The following CSMD2 variants were observed in gnomAD, a reference collection of about 807,000 sequenced individuals.
The protein encoded by CSMD2 is CUB and sushi domain-containing protein 2.
A neutral mutation model predicts 398.5 loss-of-function variants in CSMD2; 130 were observed. The observed-to-expected ratio is 0.33, with a 90% confidence interval of 0.28 to 0.38. The LOEUF (loss-of-function observed/expected upper bound fraction) is 0.38, where lower values mean the gene tolerates loss of function less well. Among genes scored for constraint, CSMD2 ranks in the 10% least tolerant of loss-of-function variants. The pLI, the probability that CSMD2 is intolerant of heterozygous loss-of-function variation, is 1.00. For synonymous variants in CSMD2, 1,828 were observed against 1,908.5 expected (o/e 0.96, Z 1.10); for missense variants, 3,829 against 4,764.9 (o/e 0.80, Z 5.78).
chr1:33,664,820 T>C (rs1262465733), intron 25 of CSMD2, among the ~76,000 whole-genome samples: 1 of 151,492 alleles, frequency 6.6e-6, no homozygotes, highest in Non-Finnish European at 1.5e-5. Context: ...AATAAATAAA[T>C]AAATAAAAAG....
At chr1:33,930,715 C>T (rs1644286676) in intron 4 of CSMD2, among the ~76,000 whole-genome samples, 3 of 152,292 alleles carry the variant, frequency 2.0e-5, no homozygotes, top group Middle Eastern at 6.8e-3. Flanking sequence ...AGAGATGACA[C>T]AAAGCTCAGC....
intron 12 of CSMD2, among the ~76,000 whole-genome samples, chr1:33,775,012 T>C (rs1320975657): frequency 6.6e-6 from 1 of 152,234 alleles, no homozygotes; most frequent in African/African-American, 2.4e-5. Context: ...GGATTCGTGC[T>C]GTGGATGCAC....
At chr1:33,618,023 G>GAGAC (rs1641508943) in intron 37 of CSMD2, among the ~76,000 whole-genome samples, 1 of 151,990 alleles carries the variant, frequency 6.6e-6, no homozygotes, top group South Asian at 2.1e-4. Context: ...CTAAGACAGA[G>GAGAC]AGACAGAGAG....
intron 47 of CSMD2, 137 bp downstream of exon 47, chr1:33,583,505 G>T (rs376690936): frequency 1.2e-6 from 1 of 834,432 alleles, no homozygotes; most frequent in Non-Finnish European, 2.0e-6. Flanking sequence ...TGGCCTTGGG[G>T]TTGCTGTGGT....
At chr1:33,627,621 A>T (rs573431709) in intron 32 of CSMD2, among the ~76,000 whole-genome samples, 1 of 152,236 alleles carries the variant, frequency 6.6e-6, no homozygotes, top group Admixed American at 6.5e-5. Context: ...GATGCCACCA[A>T]TATGGGAGCA....
At chr1:34,146,456 G>A (rs1481341843) in intron 1 of CSMD2, among the ~76,000 whole-genome samples, 1 of 152,100 alleles carries the variant, frequency 6.6e-6, no homozygotes, top group Non-Finnish European at 1.5e-5. Context: ...CCATTCTAAA[G>A]AGTAAAGTCA....
intron 40 of CSMD2, among the ~76,000 whole-genome samples, chr1:33,612,199 G>T (rs1270656464): frequency 6.6e-6 from 1 of 152,180 alleles, no homozygotes; most frequent in African/African-American, 2.4e-5. Flanking sequence ...AGTGATTATC[G>T]CTGCACGATG....
chr1:33,985,598 G>A (rs1250077884), intron 3 of CSMD2, among the ~76,000 whole-genome samples: 1 of 152,216 alleles, frequency 6.6e-6, no homozygotes, highest in Non-Finnish European at 1.5e-5. Flanking sequence ...TGCTCACTGT[G>A]TGTCTCTAGG....
rs777416603 is a variant in CSMD2, at chr1:33,533,032, C to T, written c.10171+18G>A. 1.9e-6 allele frequency: 3 copies of T among 1,588,662 alleles called. No individual in the cohort carries two copies. Among genetic ancestry groups the T allele is most frequent in the Non-Finnish European group, 1.7e-6 (2 of 1,165,192 alleles). On this transcript the variant is annotated intron_variant, in intron 64 of 70. Transcript: ENST00000373381. The surrounding 1 kb of genome is among the most constrained non-coding windows in gnomAD (Gnocchi z 4.2). Reference sequence around the variant, plus strand: ...CAGCCTCCCGCCCTGGAGAGCTTCCCCGAGCAGGCACACTCACCCAGGCAG... The same window carrying T: ...CAGCCTCCCGCCCTGGAGAGCTTCCTCGAGCAGGCACACTCACCCAGGCAG...
At chr1:34,095,445 C>G (rs1659165723) in intron 1 of CSMD2, among the ~76,000 whole-genome samples, 1 of 150,498 alleles carries the variant, frequency 6.6e-6, no homozygotes, top group Non-Finnish European at 1.5e-5. Context: ...CACAAAAAAC[C>G]CTTCAAAAAA....
At chr1:33,841,879 C>T (rs1428034171) in intron 6 of CSMD2, among the ~76,000 whole-genome samples, 2 of 152,068 alleles carry the variant, frequency 1.3e-5, no homozygotes, top group East Asian at 3.9e-4. Context: ...ACTTTTTTGG[C>T]CCTATCCTCT....
At chr1:33,672,953 C>A (rs989377147) in intron 25 of CSMD2, among the ~76,000 whole-genome samples, 1 of 152,140 alleles carries the variant, frequency 6.6e-6, no homozygotes, top group Non-Finnish European at 1.5e-5. Flanking sequence ...ACACCAAAAC[C>A]CCATCTGTAC....
At chr1:34,022,620 C>G (rs1386265384) in intron 3 of CSMD2, among the ~76,000 whole-genome samples, 1 of 152,122 alleles carries the variant, frequency 6.6e-6, no homozygotes, top group Admixed American at 6.5e-5. Context: ...AGGCAGAGAA[C>G]AGAAGAGAAG....
At chr1:33,538,423 G>A (rs1570659210) in intron 60 of CSMD2, among the ~76,000 whole-genome samples, 1 of 152,174 alleles carries the variant, frequency 6.6e-6, no homozygotes, top group Non-Finnish European at 1.5e-5. Context: ...AGCTCACCAC[G>A]ATGTCACTTC....
intron 13 of CSMD2, among the ~76,000 whole-genome samples, chr1:33,768,228 G>A (rs1189844407): frequency 6.6e-6 from 1 of 152,096 alleles, no homozygotes; most frequent in Non-Finnish European, 1.5e-5. Flanking sequence ...TTTGGAATTT[G>A]ACAAAACTAA....
intron 6 of CSMD2, among the ~76,000 whole-genome samples, chr1:33,835,683 C>CAAAAAA (rs1557976856): frequency 2.5e-5 from 1 of 40,070 alleles, no homozygotes. Flanking sequence ...CAAAACAAAA[C>CAAAAAA]AAAACAAAAA....
intron 15 of CSMD2, among the ~76,000 whole-genome samples, chr1:33,732,876 C>A (rs1411115517): frequency 6.6e-6 from 1 of 152,200 alleles, no homozygotes; most frequent in African/African-American, 2.4e-5. Flanking sequence ...TATGCTTTTG[C>A]TTCCCCTGTG....
rs372068474 is a variant in CSMD2, at chr1:33,533,108, G to A, written c.10113C>T (p.Ser3371=). The change falls in exon 64 of 71, where the codon TCC becomes TCT. Residue 3371 remains serine, a synonymous_variant. Transcript: ENST00000373381. The surrounding 1 kb of genome is among the most constrained non-coding windows in gnomAD (Gnocchi z 4.2). The part of the protein sequence containing the change: ...CQEGFSLKGG[S]EHRTCKADGS... ...CATCCGCCTTGCAGGTGCGGTGCTC[G>A]GAGCCACCCTTGAGGGAGAAGCCCT... is the stretch of plus-strand genomic sequence containing the variant. The A allele has an allele frequency of 6.6e-5, 107 of 1,613,802 alleles. 1 individual carries two copies. The Middle Eastern group carries it at 8.2e-4, about 12-fold the overall frequency.
At chr1:33,662,651 G>C (rs746121852) in intron 26 of CSMD2, among the ~76,000 whole-genome samples, 1 of 152,134 alleles carries the variant, frequency 6.6e-6, no homozygotes, top group Admixed American at 6.5e-5. Context: ...ATTATGGACC[G>C]TATGTCTCCA....
Sources: gnomAD v4.1 joint callset for allele counts (sites outside exome capture counted in the v4.1 genomes callset) on GRCh38, gnomAD v4.1.1 for gene constraint, Gnocchi (gnomAD v3.1) non-coding constraint, MANE v1.5 for transcripts, NCBI Gene and HGNC (gene_info 2026-07-23, HGNC 2026-07-21) for gene names.